Variants in TGFA observed in about 807,000 individuals in gnomAD.
TGFA encodes protransforming growth factor alpha.
Under a neutral mutation model 21.7 loss-of-function variants are expected in TGFA, and 12 were observed. The observed-to-expected ratio is 0.55, with a 90% CI of 0.35 to 0.90. TGFA has a LOEUF of 0.90. Ranked by LOEUF, TGFA falls within the 40% of genes least tolerant of loss-of-function variation. The probability of loss-of-function intolerance (pLI) is 0.01; values close to 1 mark genes in which losing one functional copy is unlikely to be tolerated. For synonymous variants in TGFA, 79 were observed against 88.1 expected, an observed-to-expected ratio of 0.90 and a Z score of 0.58; for missense variants, 178 against 210.8, an observed-to-expected ratio of 0.84 and a Z score of 0.96.
chr2:70,523,468 A>G (rs183854373), intron 1 of TGFA, among the ~76,000 whole-genome samples: 6 of 152,092 alleles, frequency 3.9e-5, no homozygotes, highest in African/African-American at 1.4e-4. Flanking sequence ...CTTCCACCCA[A>G]ATGTTTCTAC....
intron 1 of TGFA, among the ~76,000 whole-genome samples, chr2:70,519,896 C>A (rs1553502029): frequency 6.6e-6 from 1 of 152,256 alleles, no homozygotes; most frequent in Non-Finnish European, 1.5e-5. Flanking sequence ...CAGAAAGGGG[C>A]TTTGCCATCA....
At chr2:70,535,894 G>T (rs185168270) in intron 1 of TGFA, among the ~76,000 whole-genome samples, 25 of 152,226 alleles carry the variant, frequency 1.6e-4, no homozygotes, top group African/African-American at 2.6e-4. Flanking sequence ...ATTCAAAAAA[G>T]AATTTATTTG....
intron 1 of TGFA, among the ~76,000 whole-genome samples, chr2:70,516,484 G>A (rs544980586): frequency 3.2e-4 from 49 of 152,162 alleles, no homozygotes; most frequent in Non-Finnish European, 6.0e-4. Flanking sequence ...ATGGACCTCC[G>A]AAAGACTTTT....
At chr2:70,475,338 T>C (rs1553494062) in intron 2 of TGFA, among the ~76,000 whole-genome samples, 1 of 152,114 alleles carries the variant, frequency 6.6e-6, no homozygotes, top group African/African-American at 2.4e-5. Flanking sequence ...CCCACAAAAA[T>C]CTTGCAAGGA....
chr2:70,543,434 G>A (rs530036195), intron 1 of TGFA, among the ~76,000 whole-genome samples: 2 of 151,322 alleles, frequency 1.3e-5, no homozygotes, highest in African/African-American at 2.4e-5. Flanking sequence ...GCTGAGGCAC[G>A]AGAATTGCTT....
chr2:70,529,904 CAT>C (rs563702320), intron 1 of TGFA, among the ~76,000 whole-genome samples: 255 of 152,306 alleles, frequency 1.7e-3, no homozygotes, highest in African/African-American at 5.9e-3. Context: ...GCCACTGGGA[CAT>C]GAGAGTTGTC....
At chr2:70,491,605 C>T (rs1671438197) in intron 2 of TGFA, among the ~76,000 whole-genome samples, 1 of 152,198 alleles carries the variant, frequency 6.6e-6, no homozygotes, top group Non-Finnish European at 1.5e-5. Flanking sequence ...TGTCAAGTCT[C>T]CCTCTTACCC....
rs1246380631 is a variant in TGFA at position 70,511,682 on chromosome 2, C to T, written c.94+3177G>A. 6.6e-5 allele frequency among the ~76,000 whole-genome samples: 10 copies of T among 152,092 alleles called. No individual in the cohort carries two copies. The East Asian group carries it at 9.6e-4, about 15-fold the overall frequency. Reference sequence around the variant, plus strand: ...GTTACGTATACGCATTGAAGTGTTACGAGTGAAGTGGGCTTTGCTTTAAAA... The same window carrying T: ...GTTACGTATACGCATTGAAGTGTTATGAGTGAAGTGGGCTTTGCTTTAAAA... On this transcript the variant is annotated intron_variant, in intron 2 of 5. Coordinates refer to ENST00000295400, the MANE Select transcript of TGFA (RefSeq NM_003236.4).
In TGFA at chr2:70,448,138, G is replaced by A. The variant is rs1437380235; in HGVS notation, c.*2721C>T. 2.6e-5 allele frequency: 4 copies of A among 152,182 alleles called. No individual in the cohort carries two copies. The highest frequency in any genetic ancestry group is 2.6e-4 in the Admixed American group (4 of 15,280). 9.4% of individuals were successfully genotyped at this position (152,182 alleles called of 1,614,324 possible). A position where few individuals can be genotyped will look rare whatever the true frequency, so the allele number is the denominator to read the frequency against. On this transcript the variant is annotated 3_prime_UTR_variant, in exon 6 of 6. Transcript: ENST00000295400. Reference sequence around the variant, plus strand: ...GGGACACAATGGCCAGCCCATCCCTGGCTTGGTTCCACGTGTGTCCAGCCG... The same window carrying A: ...GGGACACAATGGCCAGCCCATCCCTAGCTTGGTTCCACGTGTGTCCAGCCG...
At chr2:70,508,274 G>T (rs1553500495) in intron 2 of TGFA, among the ~76,000 whole-genome samples, 1 of 152,178 alleles carries the variant, frequency 6.6e-6, no homozygotes, top group Non-Finnish European at 1.5e-5. Context: ...GCGAAACCCT[G>T]TCTCCACTAA....
chr2:70,469,796 G>A (rs1559105030), intron 2 of TGFA, among the ~76,000 whole-genome samples: 1 of 152,220 alleles, frequency 6.6e-6, no homozygotes, highest in African/African-American at 2.4e-5. Context: ...TCTAAAGCCT[G>A]AAATCTGCTG....
At chr2:70,508,204 G>T (rs543808181) in intron 2 of TGFA, among the ~76,000 whole-genome samples, 4 of 152,160 alleles carry the variant, frequency 2.6e-5, no homozygotes, top group Admixed American at 6.5e-5. Flanking sequence ...CAGCACTTTG[G>T]GACGCTGAGG....
At chr2:70,474,790 G>A (rs1670871607) in intron 2 of TGFA, among the ~76,000 whole-genome samples, 2 of 152,184 alleles carry the variant, frequency 1.3e-5, no homozygotes, top group South Asian at 4.1e-4. Flanking sequence ...GATGCTGTAG[G>A]GGAAACCTAA....
chr2:70,466,408 G>T (rs1670562572), intron 2 of TGFA, among the ~76,000 whole-genome samples: 1 of 152,202 alleles, frequency 6.6e-6, no homozygotes, highest in African/African-American at 2.4e-5. Context: ...TTGGGAGGCT[G>T]AGGCAGGAGA....
At chr2:70,550,757 C>G (rs4436987) in intron 1 of TGFA, among the ~76,000 whole-genome samples, 66,842 of 152,042 alleles carry the variant, frequency 0.44, 15,334 homozygotes, top group East Asian at 0.6. Context: ...GGAGGCGGAG[C>G]TTGCAGTGAG....
Position 70,453,344 on chromosome 2 carries a change from G to T in TGFA, c.366-17C>A. 1 of 1,610,678 alleles carries T rather than the reference G, an allele frequency of 6.2e-7. No individual in the cohort carries two copies. Among genetic ancestry groups the T allele is most frequent in the South Asian group, 1.1e-5 (1 of 90,988 alleles). ...TGGCAGCAGCTGCAAAGACACAGAG[G>T]ACCCAGTCTGGGCAGGAGCCTGGTA... On this transcript the variant is annotated splice_polypyrimidine_tract_variant and intron_variant, in intron 4 of 5. Coordinates refer to ENST00000295400, the MANE Select transcript of TGFA (RefSeq NM_003236.4).
rs2103639254 is a variant in TGFA at position 70,447,949 on chromosome 2, A to C, written c.*2910T>G. 1 of 152,364 alleles carries C rather than the reference A, an allele frequency of 6.6e-6. No individual in the cohort carries two copies. Among genetic ancestry groups the C allele is most frequent in the Non-Finnish European group, 1.5e-5 (1 of 68,060 alleles). 9.4% of individuals were successfully genotyped at this position (152,364 alleles called of 1,614,324 possible). A position where few individuals can be genotyped will look rare whatever the true frequency, so the allele number is the denominator to read the frequency against. On this transcript the variant is annotated 3_prime_UTR_variant, in exon 6 of 6. Transcript: ENST00000295400. Reference sequence around the variant, plus strand: ...ATGTGCCCTCGAAAACCTGGCTTGAAGATAACAGGCAGTTTTCTGTACCTG... The same window carrying C: ...ATGTGCCCTCGAAAACCTGGCTTGACGATAACAGGCAGTTTTCTGTACCTG...
rs79438469 is a variant in TGFA, at chr2:70,538,796, T to G, written c.40+14932A>C. ...ACAGGACTTAGAGTATTCCATAAAC[T>G]TAGTTGGTAAGGCAGTGGTAGGGTT... On this transcript the variant is annotated intron_variant, in intron 1 of 5. Transcript: ENST00000295400. Among the ~76,000 whole-genome samples the G allele has an allele frequency of 7.5e-3, 1,143 of 152,342 alleles. 12 individuals are homozygous for G. The highest frequency in any genetic ancestry group is 0.013 in the Non-Finnish European group (872 of 68,034).
At chr2:70,481,497 CTA>C (rs1210085125) in intron 2 of TGFA, among the ~76,000 whole-genome samples, 1 of 152,188 alleles carries the variant, frequency 6.6e-6, no homozygotes, top group Non-Finnish European at 1.5e-5. Context: ...TTTCCCATTT[CTA>C]TAGTCAGCCA....
Sources: gnomAD v4.1 joint callset for allele counts (sites outside exome capture counted in the v4.1 genomes callset) on GRCh38, gnomAD v4.1.1 for gene constraint, MANE v1.5 for transcripts, NCBI Gene and HGNC (gene_info 2026-07-23, HGNC 2026-07-21) for gene names.